Variants in LHFPL5 observed in about 807,000 individuals in gnomAD.
LHFPL5 encodes the protein LHFPL tetraspan subfamily member 5, also known as LHFPL tetraspan subfamily member 5 protein.
In LHFPL5, 12 loss-of-function variants were observed where a neutral mutation model predicts 18.7. The ratio of observed to expected loss-of-function variants is 0.64; its 90% confidence interval spans 0.41 to 1.04. The LOEUF (loss-of-function observed/expected upper bound fraction) is 1.04, where lower values mean the gene tolerates loss of function less well. LHFPL5 is among the 50% of genes least tolerant of loss of function. The probability of loss-of-function intolerance (pLI) is 0.00; values close to 1 mark genes in which losing one functional copy is unlikely to be tolerated. For synonymous variants in LHFPL5, 111 were observed against 120.2 expected, an observed-to-expected ratio of 0.92 and a Z score of 0.50; for missense variants, 259 against 292.1, an observed-to-expected ratio of 0.89 and a Z score of 0.83.
chr6:35,808,351 T>C (rs976783372), intron 1 of LHFPL5, among the ~76,000 whole-genome samples: 1 of 145,268 alleles, frequency 6.9e-6, no homozygotes, highest in African/African-American at 2.5e-5. Context: ...TATATATAAA[T>C]AAAAATAATA....
chr6:35,819,926 GCC>G, intron 3 of LHFPL5: 1 of 194,638 alleles, frequency 5.1e-6, no homozygotes, highest in South Asian at 1.1e-4. Flanking sequence ...TGATCTGCCT[GCC>G]CCTGCCTCCC....
In LHFPL5 at chr6:35,805,967, C is replaced by T. The variant is rs2151068777; in HGVS notation, c.297C>T (p.Phe99=). The change falls in exon 1 of 4, where the codon TTC becomes TTT. Residue 99 remains phenylalanine, a synonymous_variant. Transcript: ENST00000360215. The surrounding 1 kb of genome is among the most constrained non-coding windows in gnomAD (Gnocchi z 4.3). ...CTAGAGCCTTCAAGACTGCCATGTT[C>T]TTTGTGGCCTTGGGCATGTTCCTCA... The part of the protein sequence containing the change: ...IPSRAFKTAM[F]FVALGMFLII... The T allele has an allele frequency of 6.2e-7, 1 of 1,614,234 alleles. No individual in the cohort carries two copies. Among genetic ancestry groups the T allele is most frequent in the Non-Finnish European group, 8.5e-7 (1 of 1,180,030 alleles).
In LHFPL5 at chr6:35,813,792, CTT is replaced by C. The variant is rs1012092184; in HGVS notation, c.413-734_413-733del. On this transcript the variant is annotated intron_variant, in intron 1 of 3. Transcript: ENST00000360215. ...GCCTGACACTTTCTTTTTCCTTTTCCTTTTTTTTTTTTTTTTTTTTTGAGACG... is the reference window on the plus strand; with the variant it reads ...GCCTGACACTTTCTTTTTCCTTTTCCTTTTTTTTTTTTTTTTTTTGAGACG... Among the ~76,000 whole-genome samples, 77 of 121,504 alleles carry C rather than the reference CTT, an allele frequency of 6.3e-4. 1 individual carries two copies. Among genetic ancestry groups the C allele is most frequent in the East Asian group, 1.7e-3 (7 of 4,004 alleles). The allele number at this position is 121,504 out of a possible 152,430, so 79.7% of individuals were successfully genotyped here.
chr6:35,814,640 G>A lies in LHFPL5; in HGVS notation c.507G>A (p.Thr169=), dbSNP rs149932459. 94 of 1,614,154 alleles carry A rather than the reference G, an allele frequency of 5.8e-5. No individual in the cohort carries two copies. In the African/African-American group the frequency reaches 7.5e-4, roughly 13 times the overall value. ...RMCGEQTGKY[T]LGHCTIRWAF... is the part of the protein sequence containing the mutation. ...GTGGGGAGCAGACGGGCAAGTACAC[G>A]CTGGGCCACTGCACCATCCGCTGGG... Residue 169 remains threonine, a synonymous_variant, in exon 2 of 4, where the codon ACG becomes ACA. Transcript: ENST00000360215. This position sits in a 1 kb window ranked among gnomAD's most constrained non-coding sequence, Gnocchi z 4.2.
intron 1 of LHFPL5, among the ~76,000 whole-genome samples, chr6:35,809,480 T>C (rs1469783172): frequency 6.6e-6 from 1 of 152,142 alleles, no homozygotes; most frequent in East Asian, 1.9e-4. Flanking sequence ...AGGTCCCTTT[T>C]ATGTATTTAT....
In LHFPL5 at chr6:35,806,049, T is replaced by C; in HGVS notation, c.379T>C (p.Tyr127His). 1 of 1,614,164 alleles carries C rather than the reference T, an allele frequency of 6.2e-7. No individual in the cohort carries two copies. The highest frequency in any genetic ancestry group is 8.5e-7 in the Non-Finnish European group (1 of 1,180,030). The change falls in exon 1 of 4, where the codon TAT (tyrosine) becomes CAT (histidine). Residue 127 changes from tyrosine to histidine, a missense_variant. By Grantham distance (83) the Tyr-to-His change is moderately conservative. Transcript: ENST00000360215. Reference protein sequence around the residue: ...LFFICNTATVYKICAWMQLAA... With the variant: ...LFFICNTATVHKICAWMQLAA... ...CTTCATCTGCAACACGGCCACAGTC[T>C]ATAAGATCTGTGCATGGATGCAGCT...
chr6:35,807,265 T>A (rs200798178), intron 1 of LHFPL5, among the ~76,000 whole-genome samples: 1 of 21,906 alleles, frequency 4.6e-5, no homozygotes, highest in Non-Finnish European at 1.1e-4. Flanking sequence ...TCTCTAAAAA[T>A]AATAATAATA....
intron 1 of LHFPL5, among the ~76,000 whole-genome samples, chr6:35,812,187 C>T (rs547897544): frequency 1.7e-4 from 26 of 152,292 alleles, no homozygotes; most frequent in African/African-American, 5.1e-4. Flanking sequence ...TCAAAGGAAG[C>T]GTGATACATT....
chr6:35,822,427 A>T (rs1768883217), intron 3 of LHFPL5, among the ~76,000 whole-genome samples: 1 of 152,246 alleles, frequency 6.6e-6, no homozygotes, highest in Admixed American at 6.5e-5. Context: ...ATGTCTAGGT[A>T]GAACTGAAGT....
In LHFPL5 at chr6:35,805,564, C is replaced by A; in HGVS notation, c.-107C>A. 2 of 1,206,370 alleles carry A rather than the reference C, an allele frequency of 1.7e-6. No individual in the cohort carries two copies. Among genetic ancestry groups the A allele is most frequent in the Non-Finnish European group, 2.4e-6 (2 of 830,524 alleles). The allele number at this position is 1,206,370 out of a possible 1,614,324, so 74.7% of individuals were successfully genotyped here. The stretch of plus-strand genomic sequence containing the variant: ...ACCTCACCTGGTGCCCTGACCTCAG[C>A]CTCCTCCCCAAACCCCGCTGGGGAG... On this transcript the variant is annotated 5_prime_UTR_variant, in exon 1 of 4. Transcript: ENST00000360215. The surrounding 1 kb of genome is among the most constrained non-coding windows in gnomAD (Gnocchi z 4.3).
chr6:35,810,439 G>A (rs1057080114), intron 1 of LHFPL5, among the ~76,000 whole-genome samples: 16 of 152,152 alleles, frequency 1.1e-4, no homozygotes, highest in South Asian at 2.1e-4. Context: ...AAAACAGGCT[G>A]GGCATGGTGG....
chr6:35,822,635 G>A (rs1030670309), intron 3 of LHFPL5, among the ~76,000 whole-genome samples: 1 of 152,086 alleles, frequency 6.6e-6, no homozygotes, highest in Non-Finnish European at 1.5e-5. Context: ...AGCCTCCCAA[G>A]TAGCTAGGAC....
At chr6:35,810,549 A>C (rs9462122) in intron 1 of LHFPL5, among the ~76,000 whole-genome samples, 35,383 of 152,024 alleles carry the variant, frequency 0.23, 4,355 homozygotes, top group Non-Finnish European at 0.27. Context: ...ACCCCGTGTT[A>C]CAAAAAAATA....
At position 35,809,690 on chromosome 6, in the gene LHFPL5, G is replaced by A. The variant is rs184833164; in HGVS notation, c.412+3608G>A. 2.0e-5 allele frequency among the ~76,000 whole-genome samples: 3 copies of A among 152,292 alleles called. No individual in the cohort carries two copies. In the East Asian group the frequency reaches 5.8e-4, roughly 29 times the overall value. ...AGCCAATTTTTGTATTTTTTGTAGA[G>A]ATGGGGTTTCACCATGTTGCTCAGG... On this transcript the variant is annotated intron_variant, in intron 1 of 3. Transcript: ENST00000360215.
intron 1 of LHFPL5, 41 bp downstream of exon 1, chr6:35,806,123 G>C (rs111934436): frequency 6.2e-7 from 1 of 1,601,960 alleles, no homozygotes; most frequent in Admixed American, 1.7e-5. Context: ...GGCCCACCCC[G>C]GGGCCACAGC....
At chr6:35,809,104 C>T (rs1337847970) in intron 1 of LHFPL5, among the ~76,000 whole-genome samples, 4 of 152,058 alleles carry the variant, frequency 2.6e-5, no homozygotes, top group African/African-American at 7.2e-5. Context: ...GATGCTTGGG[C>T]GATGTGGGGC....
At chr6:35,811,592 C>T (rs1486904931) in intron 1 of LHFPL5, among the ~76,000 whole-genome samples, 1 of 152,174 alleles carries the variant, frequency 6.6e-6, no homozygotes, top group Non-Finnish European at 1.5e-5. Context: ...AGGTCAGAGG[C>T]CCTGGGCTTT....
intron 3 of LHFPL5, chr6:35,819,676 CTGTGTCT>C: frequency 1.7e-6 from 1 of 578,282 alleles, no homozygotes; most frequent in Non-Finnish European, 3.0e-6. Context: ...TTAGTTTTAC[CTGTGTCT>C]TTTTTTTTTT....
chr6:35,819,378 G>A, intron 2 of LHFPL5, 59 bp from the exon 3 acceptor site: 1 of 1,549,986 alleles, frequency 6.5e-7, no homozygotes. Flanking sequence ...TAGTGTGCAG[G>A]AAATTATCCT....
Sources: gnomAD v4.1 joint callset for allele counts (sites outside exome capture counted in the v4.1 genomes callset) on GRCh38, gnomAD v4.1.1 for gene constraint, Gnocchi (gnomAD v3.1) non-coding constraint, MANE v1.5 for transcripts, NCBI Gene and HGNC (gene_info 2026-07-23, HGNC 2026-07-21) for gene names.